Variants in TMEM266 observed in about 807,000 individuals in gnomAD.
The protein encoded by TMEM266 is Hv1 related protein 1.
A neutral mutation model predicts 50.5 loss-of-function variants in TMEM266; 33 were observed. That is an observed-to-expected ratio of 0.65 (90% confidence interval 0.50 to 0.87). The LOEUF is 0.87. TMEM266 is among the 40% of genes least tolerant of loss of function. TMEM266 has a pLI of 0.00. For missense variants in TMEM266, 655 were observed against 695.1 expected (o/e 0.94, Z 0.65); for synonymous variants, 310 against 292.3 (o/e 1.06, Z -0.62).
chr15:76,088,886 G>C (rs927053447), intron 1 of TMEM266, among the ~76,000 whole-genome samples: 6 of 151,802 alleles, frequency 4.0e-5, no homozygotes, highest in Non-Finnish European at 5.9e-5. Context: ...TTGCAGTCAG[G>C]AGTTCAAGAG....
At chr15:76,127,537 G>A (rs1003289916) in intron 1 of TMEM266, among the ~76,000 whole-genome samples, 2 of 152,070 alleles carry the variant, frequency 1.3e-5, no homozygotes, top group Non-Finnish European at 2.9e-5. Context: ...TGTTGGCCAA[G>A]CTGGCCTCTT....
Position 76,175,603 on chromosome 15 carries a change from C to T in TMEM266, c.697C>T (p.Gln233Ter). 6.2e-7 allele frequency: 1 copy of T among 1,614,148 alleles called. No individual in the cohort carries two copies. Among genetic ancestry groups the T allele is most frequent in the Non-Finnish European group, 8.5e-7 (1 of 1,180,012 alleles). Residue 233 changes from glutamine (Q) to a stop codon, truncating the protein, a stop_gained, in exon 8 of 11, where the codon CAG becomes TAG. Coordinates refer to ENST00000388942, the MANE Select transcript of TMEM266 (RefSeq NM_152335.3). LOFTEE classifies it high-confidence loss of function. ...IQQYEKAKVI[Q>*]DEQLERLTQI... is the part of the protein sequence containing the mutation. ...GCTGGAGATGGAGATGGTTATCCAG[C>T]AGTACGAGAAGGCCAAGGTCATCCA...
rs553864259 is a variant in TMEM266 at position 76,089,191 on chromosome 15, C to CATTT, written c.-97+29193_-97+29196dup. On this transcript the variant is annotated intron_variant, in intron 1 of 10. Coordinates refer to ENST00000388942, the MANE Select transcript of TMEM266 (RefSeq NM_152335.3). ...CAGGGGCCGTGATCTTCAGAAGTTT[C>CATTT]ATTTATTTATTTATTTATTTAGAGA... Among the ~76,000 whole-genome samples, 215 of 148,560 alleles carry CATTT rather than the reference C, an allele frequency of 1.4e-3. 2 individuals are homozygous for CATTT. In the South Asian group the frequency reaches 0.024, roughly 17 times the overall value.
chr15:76,156,688 G>C lies in TMEM266; in HGVS notation c.312G>C (p.Leu104=), dbSNP rs1428769854. The C allele has an allele frequency of 1.2e-6, 2 of 1,614,176 alleles. No individual in the cohort carries two copies. Among genetic ancestry groups the C allele is most frequent in the Non-Finnish European group, 8.5e-7 (1 of 1,179,986 alleles). ...TCAGTGCAAGTCTCAACAGTTTCCT[G>C]GTAGCCTGTGTAATATTGGTGGTGA... The change falls in exon 4 of 11, where the codon CTG becomes CTC. Residue 104 remains leucine, a synonymous_variant. Transcript: ENST00000388942.
chr15:76,072,024 C>T (rs1188424441), intron 1 of TMEM266, among the ~76,000 whole-genome samples: 1 of 152,028 alleles, frequency 6.6e-6, no homozygotes, highest in Non-Finnish European at 1.5e-5. Context: ...AAGAGAGAGC[C>T]AGCAGGGCCG....
At chr15:76,135,256 C>T (rs1053969804) in intron 2 of TMEM266, among the ~76,000 whole-genome samples, 3 of 152,330 alleles carry the variant, frequency 2.0e-5, no homozygotes, top group African/African-American at 4.8e-5. Flanking sequence ...TCTACCATAC[C>T]GTTCTTTGTA....
Position 76,161,949 on chromosome 15 carries a change from C to T in TMEM266, c.456+1781C>T, listed in dbSNP as rs2038024641. On this transcript the variant is annotated intron_variant, in intron 5 of 10. Transcript: ENST00000388942. This position sits in a 1 kb window ranked among gnomAD's most constrained non-coding sequence, Gnocchi z 4.1. Reference sequence around the variant, plus strand: ...AGTTGCTGCGGTTCTTCCCCTCTATCCCTCTGCTTTAGTTTTATTGGCTTT... The same window carrying T: ...AGTTGCTGCGGTTCTTCCCCTCTATTCCTCTGCTTTAGTTTTATTGGCTTT... Among the ~76,000 whole-genome samples, 1 of 152,264 alleles carries T rather than the reference C, an allele frequency of 6.6e-6. No individual in the cohort carries two copies. The highest frequency in any genetic ancestry group is 1.5e-5 in the Non-Finnish European group (1 of 68,046).
intron 8 of TMEM266, among the ~76,000 whole-genome samples, chr15:76,183,884 T>C (rs894346410): frequency 2.0e-5 from 3 of 152,144 alleles, no homozygotes; most frequent in African/African-American, 7.2e-5. Context: ...CTTCGCTGTC[T>C]TTCACGTGGA....
rs560486297 is a variant in TMEM266 at position 76,126,625 on chromosome 15, G to T, written c.-96-7543G>T. On this transcript the variant is annotated intron_variant, in intron 1 of 10. Transcript: ENST00000388942. ...CGGCTCACTGCATCCTCCGCCTCCCGAGTTCAAGCAATTCTCCTGCCTCAG... is the reference window on the plus strand; with the variant it reads ...CGGCTCACTGCATCCTCCGCCTCCCTAGTTCAAGCAATTCTCCTGCCTCAG... Among the ~76,000 whole-genome samples the T allele has an allele frequency of 1.1e-3, 164 of 151,416 alleles. 1 individual carries two copies. Among genetic ancestry groups the T allele is most frequent in the African/African-American group, 3.8e-3 (156 of 41,268 alleles).
chr15:76,186,595 A>G (rs2142076915), intron 8 of TMEM266, among the ~76,000 whole-genome samples: 1 of 152,250 alleles, frequency 6.6e-6, no homozygotes, highest in Non-Finnish European at 1.5e-5. Context: ...ATGTGCTGAT[A>G]TCGCACCTCC....
intron 3 of TMEM266, among the ~76,000 whole-genome samples, chr15:76,149,141 G>A (rs756667913): frequency 3.3e-5 from 5 of 152,170 alleles, no homozygotes. Flanking sequence ...TGAGAAAGAA[G>A]CCCCACTAAC....
Position 76,203,758 on chromosome 15 carries a change from C to T in TMEM266, c.1039C>T (p.Pro347Ser). 1 of 1,613,220 alleles carries T rather than the reference C, an allele frequency of 6.2e-7. No homozygotes were observed. Among genetic ancestry groups the T allele is most frequent in the South Asian group, 1.1e-5 (1 of 91,026 alleles). The change falls in exon 11 of 11, where the codon CCA (proline) becomes TCA (serine). Residue 347 changes from proline to serine, a missense_variant. Transcript: ENST00000388942. ...CCTTGCAGACAGCGGTGTCCCAGAG[C>T]CAGCTGTGTGTATGGTCACCACGGC...
intron 1 of TMEM266, among the ~76,000 whole-genome samples, chr15:76,118,970 G>C (rs1002574112): frequency 2.0e-5 from 3 of 152,138 alleles, no homozygotes; most frequent in African/African-American, 7.2e-5. Flanking sequence ...TGTGCCACTG[G>C]TATTCAAATG....
chr15:76,177,292 A>G (rs9920183), intron 8 of TMEM266, among the ~76,000 whole-genome samples: 3,641 of 152,304 alleles, frequency 0.024, 130 homozygotes, highest in African/African-American at 0.084. Flanking sequence ...GTCTTGGTCA[A>G]TGTGTGTTCA....
chr15:76,100,431 C>A (rs1018942535), intron 1 of TMEM266, among the ~76,000 whole-genome samples: 4 of 152,224 alleles, frequency 2.6e-5, no homozygotes, highest in African/African-American at 9.6e-5. Context: ...ATCCTTTGAG[C>A]TCCTGTGGAG....
chr15:76,095,565 C>T (rs2142000503), intron 1 of TMEM266, among the ~76,000 whole-genome samples: 1 of 152,076 alleles, frequency 6.6e-6, no homozygotes, highest in South Asian at 2.1e-4. Context: ...GGATATTGGC[C>T]TGAAATTTTC....
intron 1 of TMEM266, among the ~76,000 whole-genome samples, chr15:76,062,683 T>G (rs2036327217): frequency 6.6e-6 from 1 of 152,226 alleles, no homozygotes; most frequent in Non-Finnish European, 1.5e-5. Context: ...CGGACTAGTC[T>G]GCTGTCTTCC....
At chr15:76,181,733 G>C (rs547082670) in intron 8 of TMEM266, among the ~76,000 whole-genome samples, 1 of 152,202 alleles carries the variant, frequency 6.6e-6, no homozygotes, top group East Asian at 1.9e-4. Context: ...AGAAACCAAA[G>C]CCATTTTAGA....
chr15:76,152,313 G>T (rs1487618637), intron 3 of TMEM266, among the ~76,000 whole-genome samples: 1 of 152,216 alleles, frequency 6.6e-6, no homozygotes, highest in Admixed American at 6.5e-5. Context: ...GGAGGGGTGG[G>T]TCGCTGAGGG....
Sources: gnomAD v4.1 joint callset for allele counts (sites outside exome capture counted in the v4.1 genomes callset) on GRCh38, gnomAD v4.1.1 for gene constraint, Gnocchi (gnomAD v3.1) non-coding constraint, MANE v1.5 for transcripts, NCBI Gene and HGNC (gene_info 2026-07-23, HGNC 2026-07-21) for gene names.